The following CACNG2 variants were observed in gnomAD, a reference collection of about 807,000 sequenced individuals.
CACNG2 encodes the protein voltage-dependent calcium channel gamma-2 subunit.
Under a neutral mutation model 25.9 loss-of-function variants are expected in CACNG2, and 3 were observed. The ratio of observed to expected loss-of-function variants is 0.12; its 90% CI spans 0.05 to 0.30. The LOEUF (loss-of-function observed/expected upper bound fraction) is 0.30. Ranked by LOEUF, CACNG2 falls within the 10% of genes least tolerant of loss-of-function variation. The pLI is 1.00. For missense variants in CACNG2, 341 were observed against 432.5 expected (o/e 0.79, Z 1.88); for synonymous variants, 167 against 173.3 (o/e 0.96, Z 0.29).
At chr22:36,694,647 T>C (rs1937310465) in intron 1 of CACNG2, among the ~76,000 whole-genome samples, 2 of 152,158 alleles carry the variant, frequency 1.3e-5, no homozygotes, top group Non-Finnish European at 2.9e-5. Flanking sequence ...CTCAAATGTT[T>C]AGGATGAAAC....
intron 1 of CACNG2, among the ~76,000 whole-genome samples, chr22:36,697,202 C>T (rs1937352293): frequency 6.6e-6 from 1 of 152,122 alleles, no homozygotes; most frequent in Non-Finnish European, 1.5e-5. Flanking sequence ...GGGCGTGGAC[C>T]AGGGCACAGT....
Position 36,641,655 on chromosome 22 carries a change from G to A in CACNG2, c.212-54107C>T, listed in dbSNP as rs558285292. ...CAGCTCTGTTTAGGTCTGTGTGTAC[G>A]ACGATTCTCTAGGCAATTGAATTGC... On this transcript the variant is annotated intron_variant, in intron 1 of 3. Transcript: ENST00000300105. 2.2e-4 allele frequency among the ~76,000 whole-genome samples: 34 copies of A among 152,294 alleles called. No individual in the cohort carries two copies. The South Asian group carries it at 7.0e-3, about 32-fold the overall frequency.
intron 1 of CACNG2, among the ~76,000 whole-genome samples, chr22:36,630,891 T>C (rs1478514087): frequency 6.6e-6 from 1 of 152,070 alleles, no homozygotes; most frequent in Non-Finnish European, 1.5e-5. Flanking sequence ...TGTGCAGTGG[T>C]ACGATCTTGG....
At chr22:36,570,510 A>G (rs892401978) in intron 2 of CACNG2, among the ~76,000 whole-genome samples, 38 of 152,310 alleles carry the variant, frequency 2.5e-4, no homozygotes, top group African/African-American at 8.7e-4. Context: ...CTGTAATCCC[A>G]GCACTTTGGG....
At chr22:36,624,523 C>T (rs1936154244) in intron 1 of CACNG2, among the ~76,000 whole-genome samples, 1 of 152,174 alleles carries the variant, frequency 6.6e-6, no homozygotes, top group African/African-American at 2.4e-5. Context: ...CAGTGAAGAC[C>T]AGCCTAAACT....
At chr22:36,574,614 C>G (rs2145912292) in intron 2 of CACNG2, among the ~76,000 whole-genome samples, 1 of 152,200 alleles carries the variant, frequency 6.6e-6, no homozygotes, top group Non-Finnish European at 1.5e-5. Flanking sequence ...AACCCCATCT[C>G]TACTAAAAAA....
intron 1 of CACNG2, among the ~76,000 whole-genome samples, chr22:36,601,972 C>T (rs748343227): frequency 2.4e-4 from 37 of 152,124 alleles, no homozygotes; most frequent in Non-Finnish European, 4.6e-4. Context: ...TCCACACCCT[C>T]GCCGACACTC....
chr22:36,653,526 G>A (rs1936654040), intron 1 of CACNG2, among the ~76,000 whole-genome samples: 1 of 126,470 alleles, frequency 7.9e-6, no homozygotes, highest in South Asian at 2.1e-4. Context: ...CACATGGAAT[G>A]CTTCCTCCGT....
chr22:36,572,722 A>T (rs1473092344), intron 2 of CACNG2, among the ~76,000 whole-genome samples: 8 of 152,040 alleles, frequency 5.3e-5, no homozygotes, highest in Non-Finnish European at 1.2e-4. Flanking sequence ...CAAAAAAAAA[A>T]AAAAAATCAG....
intron 1 of CACNG2, among the ~76,000 whole-genome samples, chr22:36,629,290 A>G (rs1936231702): frequency 6.6e-6 from 1 of 152,106 alleles, no homozygotes; most frequent in Non-Finnish European, 1.5e-5. Context: ...TCATTCATTC[A>G]TTCACTCAAT....
At chr22:36,629,685 CTTCA>C (rs557166064) in intron 1 of CACNG2, among the ~76,000 whole-genome samples, 35 of 152,112 alleles carry the variant, frequency 2.3e-4, no homozygotes, top group Middle Eastern at 3.4e-3. Context: ...TGTTCATTCA[CTTCA>C]TTCATTCATT....
chr22:36,629,018 T>G (rs1603502055), intron 1 of CACNG2, among the ~76,000 whole-genome samples: 2 of 152,176 alleles, frequency 1.3e-5, no homozygotes, highest in South Asian at 4.1e-4. Flanking sequence ...TCAAAACAGA[T>G]AGCAACCAAT....
At chr22:36,682,208 G>C (rs1222769506) in intron 1 of CACNG2, among the ~76,000 whole-genome samples, 1 of 152,202 alleles carries the variant, frequency 6.6e-6, no homozygotes, top group Non-Finnish European at 1.5e-5. Context: ...GCCCTTGCAG[G>C]AGTGAAGCCA....
chr22:36,679,243 T>TTTCTTTCTTTCTTTCC (rs1937063965), intron 1 of CACNG2, among the ~76,000 whole-genome samples: 1 of 149,152 alleles, frequency 6.7e-6, no homozygotes, highest in African/African-American at 2.5e-5. Flanking sequence ...TCTTTCTTTC[T>TTTCTTTCTTTCTTTCC]TTCTTTTCTT....
In CACNG2 at chr22:36,679,197, CCTTTCTTT is replaced by C. The variant is rs1241104277; in HGVS notation, c.211+23161_211+23168del. 9.1e-3 allele frequency among the ~76,000 whole-genome samples: 498 copies of C among 54,748 alleles called. 4 individuals are homozygous for C. Among genetic ancestry groups the C allele is most frequent in the South Asian group, 0.014 (23 of 1,592 alleles). The allele number at this position is 54,748 out of a possible 152,430, so 35.9% of individuals were successfully genotyped here. A position where few individuals can be genotyped will look rare whatever the true frequency, so the allele number is the denominator to read the frequency against. ...TCCTTCCTTCCTTCCTTCCTTCCTT[CCTTTCTTT>C]CTTTCTTTCTTTCTTTCTTTCTTTC... On this transcript the variant is annotated intron_variant, in intron 1 of 3. Coordinates refer to ENST00000300105, the MANE Select transcript of CACNG2 (RefSeq NM_006078.5).
At chr22:36,634,689 T>C (rs1936328427) in intron 1 of CACNG2, among the ~76,000 whole-genome samples, 1 of 152,198 alleles carries the variant, frequency 6.6e-6, no homozygotes, top group South Asian at 2.1e-4. Flanking sequence ...CTTAGTTAGT[T>C]ATCTGCAATA....
chr22:36,642,413 C>A (rs776637118), intron 1 of CACNG2, among the ~76,000 whole-genome samples: 1 of 152,320 alleles, frequency 6.6e-6, no homozygotes, highest in African/African-American at 2.4e-5. Context: ...AGTGCTGAAG[C>A]CTTTGGCTGT....
intron 1 of CACNG2, among the ~76,000 whole-genome samples, chr22:36,655,289 T>A (rs1483749558): frequency 6.6e-6 from 1 of 152,226 alleles, no homozygotes; most frequent in East Asian, 1.9e-4. Context: ...ATAGTTTCTA[T>A]AAGGAGAATA....
intron 2 of CACNG2, among the ~76,000 whole-genome samples, chr22:36,578,174 C>T (rs2145915258): frequency 6.6e-6 from 1 of 151,882 alleles, no homozygotes; most frequent in Admixed American, 6.6e-5. Flanking sequence ...CCAACCTGGC[C>T]AACATGGTGA....
Sources: allele counts gnomAD v4.1 joint callset (sites outside exome capture counted in the v4.1 genomes callset), GRCh38; gene constraint gnomAD v4.1.1; transcripts MANE v1.5; gene names NCBI Gene and HGNC (gene_info 2026-07-23, HGNC 2026-07-21).